The following DIAPH2 variants were observed in gnomAD, a reference collection of about 807,000 sequenced individuals.
DIAPH2 encodes the protein diaphanous related formin 2, also known as protein diaphanous homolog 2.
DIAPH2 carries 35 observed loss-of-function variants against 92.7 expected under a neutral mutation model. The ratio of observed to expected loss-of-function variants is 0.38; its 90% confidence interval spans 0.29 to 0.50. DIAPH2 has a LOEUF of 0.50. DIAPH2 is among the 20% of genes least tolerant of loss of function. The pLI is 0.94. For missense variants in DIAPH2, 701 were observed against 819.5 expected (o/e 0.86, Z 1.77); for synonymous variants, 301 against 280.4 (o/e 1.07, Z -0.73).
intron 23 of DIAPH2, among the ~76,000 whole-genome samples, chrX:97,328,188 A>T (rs1272540157): frequency 9.0e-6 from 1 of 111,502 alleles, no homozygotes; most frequent in Non-Finnish European, 1.9e-5. Flanking sequence ...TAATCCCAGC[A>T]CTTTGGGAGG....
intron 24 of DIAPH2, among the ~76,000 whole-genome samples, chrX:97,366,322 A>G (rs1023994474): frequency 9.1e-6 from 1 of 110,351 alleles, no homozygotes; most frequent in Non-Finnish European, 1.9e-5. Context: ...TATTTTAACG[A>G]CTCCTTTTAC....
intron 25 of DIAPH2, among the ~76,000 whole-genome samples, chrX:97,408,887 G>C (rs1297763332): frequency 8.9e-6 from 1 of 112,077 alleles, no homozygotes; most frequent in African/African-American, 3.2e-5. Flanking sequence ...CTAACGGGGA[G>C]TTGAAGAAGC....
At chrX:97,175,094 A>C (rs1404757900) in intron 22 of DIAPH2, among the ~76,000 whole-genome samples, 8 of 111,939 alleles carry the variant, frequency 7.1e-5, no homozygotes, top group African/African-American at 2.6e-4. Flanking sequence ...AATGTTGTTC[A>C]TGCCCATACT....
chrX:97,201,133 C>G (rs2067745096), intron 22 of DIAPH2, among the ~76,000 whole-genome samples: 1 of 86,699 alleles, frequency 1.2e-5, no homozygotes, highest in Non-Finnish European at 2.3e-5. Context: ...CAAGAAAGAC[C>G]CCCCCCCCAA....
At chrX:96,723,916 A>ATTTTTTTTTTT (rs149595440) in intron 1 of DIAPH2, among the ~76,000 whole-genome samples, 1 of 71,267 alleles carries the variant, frequency 1.4e-5, no homozygotes, top group East Asian at 5.1e-4. Flanking sequence ...TGATTCTATA[A>ATTTTTTTTTTT]TTTTTTTTTT....
At chrX:97,176,673 A>G (rs1450216381) in intron 22 of DIAPH2, among the ~76,000 whole-genome samples, 4 of 110,723 alleles carry the variant, frequency 3.6e-5, no homozygotes, top group Admixed American at 9.7e-5. Flanking sequence ...GACTACAGGC[A>G]CCTGCCACCA....
intron 25 of DIAPH2, among the ~76,000 whole-genome samples, chrX:97,425,166 C>G (rs991966697): frequency 3.6e-5 from 4 of 110,649 alleles, no homozygotes; most frequent in African/African-American, 1.3e-4. Context: ...TTGTCCTCAC[C>G]TTCTTGTACT....
At chrX:96,761,521 C>CT (rs780120730) in intron 4 of DIAPH2, among the ~76,000 whole-genome samples, 90 of 110,990 alleles carry the variant, frequency 8.1e-4, no homozygotes, top group Non-Finnish European at 1.5e-3. Context: ...TCTTTCAGCT[C>CT]TTTTCCAGGT....
chrX:96,930,630 T>G, intron 9 of DIAPH2, 103 bp from the exon 10 acceptor site: 2 of 506,642 alleles, frequency 3.9e-6, no homozygotes, highest in African/African-American at 2.5e-5. Flanking sequence ...CATTTCTTAT[T>G]TTATCATTAT....
At chrX:97,447,219 ATCT>A (rs2070319332) in intron 26 of DIAPH2, among the ~76,000 whole-genome samples, 1 of 109,753 alleles carries the variant, frequency 9.1e-6, no homozygotes, top group Non-Finnish European at 1.9e-5. Context: ...AAGCTGCTAA[ATCT>A]TTCGCTGAGG....
intron 26 of DIAPH2, among the ~76,000 whole-genome samples, chrX:97,479,764 T>G (rs912069285): frequency 4.3e-4 from 48 of 111,376 alleles, no homozygotes; most frequent in Admixed American, 2.9e-4. Flanking sequence ...TTTATCATTT[T>G]TTTTATCTCC....
chrX:97,417,891 G>A (rs1602577028), intron 25 of DIAPH2, among the ~76,000 whole-genome samples: 1 of 109,345 alleles, frequency 9.1e-6, no homozygotes, highest in South Asian at 4.0e-4. Context: ...ATTAGGCACA[G>A]TAAGTGATTA....
chrX:97,057,858 T>C (rs780336327), intron 17 of DIAPH2, among the ~76,000 whole-genome samples: 1 of 111,480 alleles, frequency 9.0e-6, no homozygotes, highest in African/African-American at 3.3e-5. Flanking sequence ...CCTTGTGGGC[T>C]GTGCTTGTAT....
At chrX:96,792,410 A>G (rs145123016) in intron 4 of DIAPH2, among the ~76,000 whole-genome samples, 39 of 111,618 alleles carry the variant, frequency 3.5e-4, no homozygotes, top group Middle Eastern at 4.6e-3. Flanking sequence ...GCTCCTGACA[A>G]ACAACTCCAT....
chrX:97,490,761 C>T (rs2147821971), intron 26 of DIAPH2, among the ~76,000 whole-genome samples: 1 of 111,023 alleles, frequency 9.0e-6, no homozygotes, highest in Admixed American at 9.6e-5. Context: ...CCACTATAGT[C>T]AGAAAAGATA....
At chrX:96,902,260 G>T (rs907695306) in intron 5 of DIAPH2, among the ~76,000 whole-genome samples, 1 of 112,089 alleles carries the variant, frequency 8.9e-6, no homozygotes, top group African/African-American at 3.2e-5. Context: ...ATATTATGCA[G>T]TTGTTGGGAA....
At chrX:97,264,800 A>T (rs940471395) in intron 23 of DIAPH2, among the ~76,000 whole-genome samples, 2 of 111,563 alleles carry the variant, frequency 1.8e-5, no homozygotes, top group Non-Finnish European at 3.8e-5. Flanking sequence ...CCTGGCCAAG[A>T]TGGTGAAACC....
At chrX:97,002,423 T>C (rs1415279206) in intron 17 of DIAPH2, among the ~76,000 whole-genome samples, 1 of 111,282 alleles carries the variant, frequency 9.0e-6, no homozygotes, top group Non-Finnish European at 1.9e-5. Flanking sequence ...TAATGTTTAA[T>C]GTTAGCAAAG....
rs200339851 is a variant in DIAPH2 at position 97,198,265 on chromosome X, T to TACACACACACACACAC, written c.2720-49426_2720-49411dup. ...AGGTATACTAACAACAACAACAAAATACACACACACACACACACACACACA... is the reference window on the plus strand; with the variant it reads ...AGGTATACTAACAACAACAACAAAATACACACACACACACACACACACACACACACACACACACACA... On this transcript the variant is annotated intron_variant, in intron 22 of 26. Transcript: ENST00000324765. Among the ~76,000 whole-genome samples the TACACACACACACACAC allele has an allele frequency of 3.7e-3, 326 of 89,017 alleles. 1 individual carries two copies. Among genetic ancestry groups the TACACACACACACACAC allele is most frequent in the African/African-American group, 0.014 (310 of 22,361 alleles). The allele number at this position is 89,017 out of a possible 115,157, so 77.3% of individuals were successfully genotyped here.
Sources: gnomAD v4.1 joint callset for allele counts (sites outside exome capture counted in the v4.1 genomes callset) on GRCh38, gnomAD v4.1.1 for gene constraint, MANE v1.5 for transcripts, NCBI Gene and HGNC (gene_info 2026-07-23, HGNC 2026-07-21) for gene names.